ESD: variants seen among roughly 807,000 people sequenced by gnomAD.
The protein encoded by ESD is S-formylglutathione hydrolase.
A neutral mutation model predicts 38.1 loss-of-function variants in ESD; 34 were observed. The observed-to-expected ratio is 0.89, with a 90% CI of 0.68 to 1.19. ESD has a LOEUF of 1.19. Among genes scored for constraint, ESD ranks in the 50% most tolerant of loss-of-function variants. The pLI is 0.00. For synonymous variants in ESD, 97 were observed against 107.0 expected (o/e 0.91, Z 0.58); for missense variants, 334 against 327.2 (o/e 1.02, Z -0.16).
Position 46,782,682 on chromosome 13 carries a change from A to C in ESD, c.366T>G (p.Ser122=). ...ATTAAATTACCTCCTCTGTGACATAAGAGTACATTCTGTAGTTGGTTTTCC... is the reference window on the plus strand; with the variant it reads ...ATTAAATTACCTCCTCTGTGACATACGAGTACATTCTGTAGTTGGTTTTCC... ...DPWKTNYRMY[S]YVTEELPQLI... is the part of the protein sequence containing the mutation. Residue 122 remains serine, a synonymous_variant, in exon 6 of 10, where the codon TCT becomes TCG. Coordinates refer to ENST00000378720, the MANE Select transcript of ESD (RefSeq NM_001984.2). The C allele has an allele frequency of 1.2e-6, 2 of 1,612,048 alleles. No homozygotes were observed. Among genetic ancestry groups the C allele is most frequent in the Middle Eastern group, 1.7e-4 (1 of 6,050 alleles).
chr13:46,787,396 G>A (rs1025925878), intron 3 of ESD, among the ~76,000 whole-genome samples: 1 of 151,838 alleles, frequency 6.6e-6, no homozygotes, highest in Non-Finnish European at 1.5e-5. Context: ...ATTCATTGTG[G>A]CATTTATTAA....
chr13:46,796,636 T>C (rs916975569), intron 1 of ESD, among the ~76,000 whole-genome samples: 1 of 152,202 alleles, frequency 6.6e-6, no homozygotes, highest in African/African-American at 2.4e-5. Context: ...GACCGCGCCA[T>C]TGGCTCGTGC....
At chr13:46,796,702 G>T (rs1481231736) in intron 1 of ESD, among the ~76,000 whole-genome samples, 1 of 152,228 alleles carries the variant, frequency 6.6e-6, no homozygotes, top group Non-Finnish European at 1.5e-5. Context: ...ACCAGGCGCC[G>T]GCGGCCGCTA....
At chr13:46,796,854 C>T (rs977108640) in intron 1 of ESD, among the ~76,000 whole-genome samples, 2 of 152,262 alleles carry the variant, frequency 1.3e-5, no homozygotes, top group Admixed American at 6.5e-5. Context: ...AACGGGCGCT[C>T]GCCCCGGGTT....
intron 3 of ESD, chr13:46,790,482 A>G (rs1272959243): frequency 6.6e-6 from 1 of 152,188 alleles, no homozygotes; most frequent in Non-Finnish European, 1.5e-5. Context: ...TTTGAAAGCT[A>G]GTGGAAGAAA....
chr13:46,781,645 A>C (rs1283492224), intron 6 of ESD, 30 bp from the exon 7 acceptor site: 1 of 1,583,104 alleles, frequency 6.3e-7, no homozygotes, highest in South Asian at 1.1e-5. Context: ...GTGACAAAAG[A>C]TATCAAAGAA....
chr13:46,786,950 A>G (rs1413390181), intron 4 of ESD, 71 bp downstream of exon 4: 1 of 938,094 alleles, frequency 1.1e-6, no homozygotes, highest in African/African-American at 1.7e-5. Flanking sequence ...AAGTTAAAAT[A>G]AAAGGGTAAG....
intron 9 of ESD, among the ~76,000 whole-genome samples, 179 bp from the exon 10 acceptor site, chr13:46,771,675 TGTACA>T (rs1874612468): frequency 6.6e-6 from 1 of 152,166 alleles, no homozygotes; most frequent in South Asian, 2.1e-4. Context: ...ACATTTTCAC[TGTACA>T]TTAAAAGAGC....
At chr13:46,771,906 C>T (rs1161171571) in intron 9 of ESD, among the ~76,000 whole-genome samples, 1 of 151,964 alleles carries the variant, frequency 6.6e-6, no homozygotes, top group Non-Finnish European at 1.5e-5. Context: ...GTTGATATGA[C>T]ACTGTCATAT....
At chr13:46,776,698 G>C (rs184311109) in intron 9 of ESD, 2 of 152,020 alleles carry the variant, frequency 1.3e-5, no homozygotes, top group Non-Finnish European at 2.9e-5. Context: ...ATTTACCATC[G>C]TAATTACATT....
chr13:46,791,480 C>T lies in ESD; in HGVS notation c.-7-60G>A, dbSNP rs1266839420. On this transcript the variant is annotated intron_variant, in intron 2 of 9. Transcript: ENST00000378720. ...GAATTAGTTACTGAAAAACTTGAAA[C>T]AAAACTAATTGCCTTCAGATAAATT... 50 of 1,263,878 alleles carry T rather than the reference C, an allele frequency of 4.0e-5. 1 individual carries two copies. The highest frequency in any genetic ancestry group is 1.6e-4 in the South Asian group (12 of 77,068). 78.3% of individuals were successfully genotyped at this position (1,263,878 alleles called of 1,614,324 possible). A position where few individuals can be genotyped will look rare whatever the true frequency, so the allele number is the denominator to read the frequency against.
intron 4 of ESD, among the ~76,000 whole-genome samples, chr13:46,784,656 C>G (rs1875129331): frequency 6.6e-6 from 1 of 151,886 alleles, no homozygotes; most frequent in African/African-American, 2.4e-5. Flanking sequence ...GTTTATAATA[C>G]AGGAAAACAA....
chr13:46,774,936 A>T (rs975612546), intron 9 of ESD, among the ~76,000 whole-genome samples: 5 of 152,206 alleles, frequency 3.3e-5, no homozygotes. Context: ...AGGCAGATGC[A>T]GAGGCTAAAA....
intron 1 of ESD, among the ~76,000 whole-genome samples, chr13:46,796,852 C>T (rs142756597): frequency 6.6e-6 from 1 of 152,240 alleles, no homozygotes; most frequent in East Asian, 1.9e-4. Flanking sequence ...TAAACGGGCG[C>T]TCGCCCCGGG....
At chr13:46,781,687 A>C (rs1875009129) in intron 6 of ESD, 72 bp from the exon 7 acceptor site, 2 of 1,375,592 alleles carry the variant, frequency 1.5e-6, no homozygotes, top group African/African-American at 2.9e-5. Context: ...GTTACAGAAA[A>C]TAATTACACA....
chr13:46,774,551 C>CTT (rs374309269), intron 9 of ESD, among the ~76,000 whole-genome samples: 29 of 152,256 alleles, frequency 1.9e-4, no homozygotes, highest in African/African-American at 7.0e-4. Flanking sequence ...CTACCTCACA[C>CTT]TTTAAATGGA....
chr13:46,778,528 G>C (rs1046215909), intron 8 of ESD, among the ~76,000 whole-genome samples: 1 of 151,656 alleles, frequency 6.6e-6, no homozygotes, highest in African/African-American at 2.4e-5. Flanking sequence ...CTGTCACTTG[G>C]AGAAAAGTAC....
intron 5 of ESD, among the ~76,000 whole-genome samples, 162 bp from the exon 6 acceptor site, chr13:46,782,953 C>A (rs1294143409): frequency 1.3e-5 from 2 of 151,886 alleles, no homozygotes; most frequent in Non-Finnish European, 2.9e-5. Flanking sequence ...ATACTTCCTG[C>A]TCCTCTTGCC....
At position 46,791,362 on chromosome 13, in the gene ESD, C is replaced by G; in HGVS notation, c.52G>C (p.Val18Leu). The G allele has an allele frequency of 6.2e-7, 1 of 1,612,604 alleles. No homozygotes were observed. Among genetic ancestry groups the G allele is most frequent in the Non-Finnish European group, 8.5e-7 (1 of 1,179,210 alleles). Residue 18 changes from valine to leucine, a missense_variant, in exon 3 of 10, where the codon GTT becomes CTT. Physicochemically the swap from Val to Leu is conservative, Grantham distance 32 (BLOSUM62 1). Transcript: ENST00000378720. ...AATAGTTACCTGTCATGTTCAAAAA[C>G]TTTCTGCAATCCCCCAAAGCACTTG... ...SNKCFGGLQK[V>L]FEHDSVELNC...
Sources: gnomAD v4.1 joint callset for allele counts (sites outside exome capture counted in the v4.1 genomes callset) on GRCh38, gnomAD v4.1.1 for gene constraint, MANE v1.5 for transcripts, NCBI Gene and HGNC (gene_info 2026-07-23, HGNC 2026-07-21) for gene names.